The following ZNF862 variants were observed in gnomAD, a reference collection of about 807,000 sequenced individuals.
ZNF862 encodes zinc finger protein 862.
A neutral mutation model predicts 91.1 loss-of-function variants in ZNF862; 64 were observed. The ratio of observed to expected loss-of-function variants is 0.70; its 90% confidence interval spans 0.57 to 0.87. ZNF862 has a LOEUF of 0.87. Ranked by LOEUF, ZNF862 falls within the 40% of genes least tolerant of loss-of-function variation. ZNF862 has a pLI of 0.00. For synonymous variants in ZNF862, 631 were observed against 618.1 expected (o/e 1.02, Z -0.31); for missense variants, 1,459 against 1,528.0 (o/e 0.95, Z 0.75).
chr7:149,847,931 G>GT lies in ZNF862; in HGVS notation c.441dup (p.Pro148SerfsTer7). On this transcript the variant is annotated frameshift_variant, in exon 4 of 8. Transcript: ENST00000223210. LOFTEE classifies it high-confidence loss of function. ...CCATCCAGAAGTCGTGGTTTGTGCA[G>GT]TTTCCGTGGCTGATCATGAATGAGG... 6.2e-7 allele frequency: 1 copy of GT among 1,606,716 alleles called. No homozygotes were observed. Among genetic ancestry groups the GT allele is most frequent in the Non-Finnish European group, 8.5e-7 (1 of 1,176,290 alleles).
chr7:149,864,069 TGTCA>T (rs371251190), intron 7 of ZNF862, 36 bp from the exon 8 acceptor site: 72 of 1,538,736 alleles, frequency 4.7e-5, no homozygotes, highest in African/African-American at 2.6e-4. Flanking sequence ...AGGCGGTCAC[TGTCA>T]GTCAGTCTAA....
rs762891923 is a variant in ZNF862, at chr7:149,861,113, G to A, written c.1953G>A (p.Glu651=). The change falls in exon 7 of 8, where the codon GAG becomes GAA. Residue 651 remains glutamate, a synonymous_variant. Transcript: ENST00000223210. The surrounding 1 kb of genome is among the most constrained non-coding windows in gnomAD (Gnocchi z 6.7). ...ACATCCGCTACTTCAAGCAGATGGA[G>A]GTGAAAGAGTCCTACATCACTCTGG... ...GIYIRYFKQM[E]VKESYITLAP... 6.2e-7 allele frequency: 1 copy of A among 1,612,986 alleles called. No individual in the cohort carries two copies.
chr7:149,841,454 A>G lies in ZNF862; in HGVS notation c.24+2819A>G, dbSNP rs375943400. 2.2e-5 allele frequency: 22 copies of G among 981,866 alleles called. No individual in the cohort carries two copies. In the Admixed American group the frequency reaches 6.8e-4, roughly 30 times the overall value. The allele number at this position is 981,866 out of a possible 1,614,324, so 60.8% of individuals were successfully genotyped here. ...TTTTCTTCCTAACCCTTATCACTAA[A>G]TAAAATTCTCATGTTCATTTATTTA... On this transcript the variant is annotated intron_variant, in intron 1 of 7. Transcript: ENST00000223210.
intron 3 of ZNF862, among the ~76,000 whole-genome samples, chr7:149,847,435 C>G (rs1801906768): frequency 6.6e-6 from 1 of 152,070 alleles, no homozygotes; most frequent in African/African-American, 2.4e-5. Flanking sequence ...TTTCATAGAT[C>G]AGATTGCAAA....
At chr7:149,844,882 T>C (rs1029538761) in intron 2 of ZNF862, 146 bp downstream of exon 2, 7 of 614,286 alleles carry the variant, frequency 1.1e-5, no homozygotes, top group Non-Finnish European at 2.0e-5. Flanking sequence ...CGATCCCGTA[T>C]CTACCTTAAT....
Position 149,861,786 on chromosome 7 carries a change from T to C in ZNF862, c.2626T>C (p.Tyr876His). ...TEVNATLGRA[Y>H]VALESLRHQA... ...GGTGAACGCCACGCTGGGCCGCGCC[T>C]ACGTGGCACTGGAGAGCCTCCGTCA... The change falls in exon 7 of 8, where the codon TAC (tyrosine) becomes CAC (histidine). Residue 876 changes from tyrosine to histidine, a missense_variant. By Grantham distance (83) the Tyr-to-His change is moderately conservative. Coordinates refer to ENST00000223210, the MANE Select transcript of ZNF862 (RefSeq NM_001099220.3). The surrounding 1 kb of genome is among the most constrained non-coding windows in gnomAD (Gnocchi z 6.7). 2 of 1,613,624 alleles carry C rather than the reference T, an allele frequency of 1.2e-6. No homozygotes were observed. Among genetic ancestry groups the C allele is most frequent in the Non-Finnish European group, 1.7e-6 (2 of 1,179,854 alleles).
rs1207585858 is a variant in ZNF862, at chr7:149,848,194, T to C, written c.701T>C (p.Leu234Pro). Reference protein sequence around the residue: ...PGDVLASPEPLFTADCPIFYP... With the variant: ...PGDVLASPEPPFTADCPIFYP... ...GATGTTCTGGCCAGCCCGGAGCCGC[T>C]CTTCACTGCAGATTGCCCCATATTC... The change falls in exon 4 of 8, where the codon CTC (leucine) becomes CCC (proline). Residue 234 changes from leucine to proline, a missense_variant. Leu to Pro is a moderately conservative substitution (Grantham distance 98, BLOSUM62 -3). Transcript: ENST00000223210. 6.2e-7 allele frequency: 1 copy of C among 1,613,998 alleles called. No homozygotes were observed. Among genetic ancestry groups the C allele is most frequent in the Non-Finnish European group, 8.5e-7 (1 of 1,179,890 alleles).
rs918318057 is a variant in ZNF862, at chr7:149,855,275, C to T, written c.1118-4147C>T. Reference sequence around the variant, plus strand: ...CTTTTCTGTAAATTTGAAATTATATCAGAGATTTACCAAAAGGAAAATGTA... The same window carrying T: ...CTTTTCTGTAAATTTGAAATTATATTAGAGATTTACCAAAAGGAAAATGTA... On this transcript the variant is annotated intron_variant, in intron 5 of 7. Transcript: ENST00000223210. This position sits in a 1 kb window ranked among gnomAD's most constrained non-coding sequence, Gnocchi z 4.1. Among the ~76,000 whole-genome samples, 1 of 152,108 alleles carries T rather than the reference C, an allele frequency of 6.6e-6. No homozygotes were observed. The highest frequency in any genetic ancestry group is 1.5e-5 in the Non-Finnish European group (1 of 68,016).
In ZNF862 at chr7:149,850,498, TA is replaced by T. The variant is rs1802035162; in HGVS notation, c.1117+162del. The T allele has an allele frequency of 2.8e-6, 2 of 703,642 alleles. No individual in the cohort carries two copies. Among genetic ancestry groups the T allele is most frequent in the Non-Finnish European group, 4.6e-6 (2 of 436,156 alleles). 43.6% of individuals were successfully genotyped at this position (703,642 alleles called of 1,614,324 possible). ...CACCTCATAACTCCCCTGCTTGGGG[TA>T]ACTGTGCTTTATCACCTTCTCATCC... is the stretch of plus-strand genomic sequence containing the variant. On this transcript the variant is annotated intron_variant, in intron 5 of 7. Coordinates refer to ENST00000223210, the MANE Select transcript of ZNF862 (RefSeq NM_001099220.3). This position sits in a 1 kb window ranked among gnomAD's most constrained non-coding sequence, Gnocchi z 4.2.
At chr7:149,842,435 A>T (rs1185441402) in intron 1 of ZNF862, among the ~76,000 whole-genome samples, 1 of 152,214 alleles carries the variant, frequency 6.6e-6, no homozygotes, top group African/African-American at 2.4e-5. Context: ...TTTGCATTAC[A>T]CATAGGTGAG....
rs543236662 is a variant in ZNF862, at chr7:149,841,050, C to A, written c.24+2415C>A. On this transcript the variant is annotated intron_variant, in intron 1 of 7. Transcript: ENST00000223210. ...TTAGGGTATCTCAGAAAGGTGCTCA[C>A]CCTTCCCAAAGATAGTTGTTTTCTA... is the stretch of plus-strand genomic sequence containing the variant. 1.5e-3 allele frequency: 1,500 copies of A among 985,394 alleles called. 10 individuals carry two copies. In the South Asian group the frequency reaches 0.018, roughly 12 times the overall value. The allele number at this position is 985,394 out of a possible 1,614,324, so 61.0% of individuals were successfully genotyped here. A position where few individuals can be genotyped will look rare whatever the true frequency, so the allele number is the denominator to read the frequency against.
chr7:149,861,414 A>G lies in ZNF862; in HGVS notation c.2254A>G (p.Thr752Ala), dbSNP rs752452912. 4.3e-6 allele frequency: 7 copies of G among 1,613,254 alleles called. No homozygotes were observed. The highest frequency in any genetic ancestry group is 5.9e-6 in the Non-Finnish European group (7 of 1,179,884). ...GAAGAAGTGTGACCGGCACATCCGC[A>G]CCGTCTTCAAGTTTTATCAGTCCTC... Reference protein sequence around the residue: ...LVKKCDRHIRTVFKFYQSSNK... With the variant: ...LVKKCDRHIRAVFKFYQSSNK... Residue 752 changes from threonine to alanine, a missense_variant, in exon 7 of 8, where the codon ACC becomes GCC. Thr to Ala is a moderately conservative substitution (Grantham distance 58). Transcript: ENST00000223210. This position sits in a 1 kb window ranked among gnomAD's most constrained non-coding sequence, Gnocchi z 6.7.
At position 149,866,521 on chromosome 7, in the gene ZNF862, G is replaced by A. The variant is rs891531361; in HGVS notation, c.*2237G>A. The A allele has an allele frequency of 1.3e-5, 2 of 152,252 alleles. No individual in the cohort carries two copies. The highest frequency in any genetic ancestry group is 2.9e-5 in the Non-Finnish European group (2 of 68,108). The allele number at this position is 152,252 out of a possible 1,614,324, so 9.4% of individuals were successfully genotyped here. Reference sequence around the variant, plus strand: ...GAGGCCATCCTGTGAGCAGCCGTGAGTGGGTCTCTGTGGGAGTAGTTCTGG... The same window carrying A: ...GAGGCCATCCTGTGAGCAGCCGTGAATGGGTCTCTGTGGGAGTAGTTCTGG... On this transcript the variant is annotated 3_prime_UTR_variant, in exon 8 of 8. Coordinates refer to ENST00000223210, the MANE Select transcript of ZNF862 (RefSeq NM_001099220.3).
rs1234398056 is a variant in ZNF862, at chr7:149,838,641, A to C, written c.24+6A>C. The stretch of plus-strand genomic sequence containing the variant: ...AGCCCAGAGAGTCGGGGAAGGTAGG[A>C]CTGGAAGGCCCGGGGGCCGCCCGCT... On this transcript the variant is annotated splice_donor_region_variant and intron_variant, in intron 1 of 7. Coordinates refer to ENST00000223210, the MANE Select transcript of ZNF862 (RefSeq NM_001099220.3). 8.2e-7 allele frequency: 1 copy of C among 1,225,980 alleles called. No homozygotes were observed. The highest frequency in any genetic ancestry group is 1.6e-5 in the African/African-American group (1 of 64,122). 75.9% of individuals were successfully genotyped at this position (1,225,980 alleles called of 1,614,324 possible).
chr7:149,862,957 A>ACG (rs1802572544), intron 7 of ZNF862, among the ~76,000 whole-genome samples: 1 of 152,202 alleles, frequency 6.6e-6, no homozygotes, highest in Non-Finnish European at 1.5e-5. Flanking sequence ...TCACATTCTA[A>ACG]GTGGGGCTGT....
chr7:149,844,666 G>A lies in ZNF862; in HGVS notation c.66G>A (p.Gln22=). 2 of 1,606,444 alleles carry A rather than the reference G, an allele frequency of 1.2e-6. No homozygotes were observed. Among genetic ancestry groups the A allele is most frequent in the South Asian group, 2.2e-5 (2 of 89,138 alleles). Residue 22 remains glutamine, a synonymous_variant, in exon 2 of 8, where the codon CAG becomes CAA. Coordinates refer to ENST00000223210, the MANE Select transcript of ZNF862 (RefSeq NM_001099220.3). ...ATGACATCACTGTGTACTTACTCCA[G>A]GAGGAATGGGTGCTGCTGAGCCAGC... ...TFDDITVYLL[Q]EEWVLLSQQQ...
intron 1 of ZNF862, among the ~76,000 whole-genome samples, chr7:149,840,203 A>AAAAAAAAAAAAAAAAAAAAT: frequency 6.7e-6 from 1 of 150,106 alleles, no homozygotes; most frequent in Non-Finnish European, 1.5e-5. Context: ...AAAAAAAAAA[A>AAAAAAAAAAAAAAAAAAAAT]AAAAAAAAAA....
At chr7:149,863,609 T>C (rs1392023648) in intron 7 of ZNF862, among the ~76,000 whole-genome samples, 1 of 152,190 alleles carries the variant, frequency 6.6e-6, no homozygotes, top group Non-Finnish European at 1.5e-5. Flanking sequence ...AAAAATGATG[T>C]CAGGTGTGCC....
chr7:149,859,585 G>A, intron 6 of ZNF862, 59 bp downstream of exon 6: 1 of 1,358,776 alleles, frequency 7.4e-7, no homozygotes, highest in Non-Finnish European at 1.0e-6. Context: ...CGGCTATGAT[G>A]AGTCAAACAG....
Sources: gnomAD v4.1 joint callset for allele counts (sites outside exome capture counted in the v4.1 genomes callset) on GRCh38, gnomAD v4.1.1 for gene constraint, Gnocchi (gnomAD v3.1) non-coding constraint, MANE v1.5 for transcripts, NCBI Gene and HGNC (gene_info 2026-07-23, HGNC 2026-07-21) for gene names.